The following GFOD1 variants were observed in gnomAD, a reference collection of about 807,000 sequenced individuals.
GFOD1 encodes the protein Gfo/Idh/MocA-like oxidoreductase domain containing 1, also known as glucose-fructose oxidoreductase domain-containing protein 1.
In GFOD1, 9 loss-of-function variants were observed where a neutral mutation model predicts 25.4. That is an observed-to-expected ratio of 0.35 (90% CI 0.21 to 0.62). GFOD1 has a LOEUF of 0.62. Ranked by LOEUF, GFOD1 falls within the 20% of genes least tolerant of loss-of-function variation. GFOD1 has a pLI of 0.72. For missense variants in GFOD1, 403 were observed against 556.9 expected (o/e 0.72, Z 2.78); for synonymous variants, 253 against 245.6 (o/e 1.03, Z -0.28).
chr6:13,383,628 T>C (rs1785408126), intron 1 of GFOD1, among the ~76,000 whole-genome samples: 3 of 152,376 alleles, frequency 2.0e-5, no homozygotes, highest in African/African-American at 2.4e-5. Context: ...TTAAAATAAT[T>C]AATGGGAAGG....
Position 13,360,780 on chromosome 6 carries a change from G to A in GFOD1, c.*3963C>T. ...TGAGTGGAGCCGCAGGTTAGTCCATGCTTGTCACAGTCCTTCCTGGGTGTG... is the reference window on the plus strand; with the variant it reads ...TGAGTGGAGCCGCAGGTTAGTCCATACTTGTCACAGTCCTTCCTGGGTGTG... On this transcript the variant is annotated 3_prime_UTR_variant, in exon 2 of 2. Coordinates refer to ENST00000379287, the MANE Select transcript of GFOD1 (RefSeq NM_018988.4). 1 of 456,748 alleles carries A rather than the reference G, an allele frequency of 2.2e-6. No homozygotes were observed. The highest frequency in any genetic ancestry group is 2.0e-5 in the African/African-American group (1 of 50,204). The allele number at this position is 456,748 out of a possible 1,614,324, so 28.3% of individuals were successfully genotyped here. A position where few individuals can be genotyped will look rare whatever the true frequency, so the allele number is the denominator to read the frequency against.
chr6:13,432,234 T>C (rs1757762420), intron 1 of GFOD1, among the ~76,000 whole-genome samples: 2 of 151,870 alleles, frequency 1.3e-5, no homozygotes, highest in African/African-American at 4.8e-5. Context: ...TTTTCTTTTT[T>C]TTTTTTTTTG....
intron 1 of GFOD1, among the ~76,000 whole-genome samples, chr6:13,450,041 G>A (rs1047516738): frequency 1.3e-5 from 2 of 152,154 alleles, no homozygotes; most frequent in Middle Eastern, 3.2e-3. Context: ...GAAGAACGCT[G>A]CCAGAGCTGC....
intron 1 of GFOD1, among the ~76,000 whole-genome samples, chr6:13,446,817 T>C (rs1461477355): frequency 6.6e-6 from 1 of 152,314 alleles, no homozygotes; most frequent in African/African-American, 2.4e-5. Context: ...AAGCACATAT[T>C]TGAGCCTTTT....
intron 1 of GFOD1, among the ~76,000 whole-genome samples, chr6:13,450,830 C>T (rs748433450): frequency 6.6e-5 from 10 of 152,118 alleles, no homozygotes; most frequent in Admixed American, 1.3e-4. Flanking sequence ...TGTATATTGG[C>T]GAAGGAAACT....
chr6:13,373,356 A>C (rs1785187109), intron 1 of GFOD1, among the ~76,000 whole-genome samples: 2 of 152,290 alleles, frequency 1.3e-5, no homozygotes, highest in Non-Finnish European at 2.9e-5. Context: ...AAATGGTCTA[A>C]AATAAGATTA....
At chr6:13,387,672 G>T (rs1238180761) in intron 1 of GFOD1, among the ~76,000 whole-genome samples, 1 of 152,174 alleles carries the variant, frequency 6.6e-6, no homozygotes, top group Non-Finnish European at 1.5e-5. Context: ...TACTGAATGG[G>T]CACCAACTGG....
intron 1 of GFOD1, among the ~76,000 whole-genome samples, chr6:13,436,391 A>G (rs1204633799): frequency 1.3e-5 from 2 of 152,232 alleles, no homozygotes; most frequent in African/African-American, 4.8e-5. Context: ...TTTCTTATAT[A>G]TTCTCCTAGA....
At chr6:13,469,207 A>T (rs1758432837) in intron 1 of GFOD1, 2 of 982,730 alleles carry the variant, frequency 2.0e-6, no homozygotes, top group South Asian at 4.7e-5. Flanking sequence ...CCCTGTTGGT[A>T]ACAGCACCAC....
intron 1 of GFOD1, among the ~76,000 whole-genome samples, chr6:13,443,300 T>C (rs1057366220): frequency 6.6e-6 from 1 of 152,222 alleles, no homozygotes; most frequent in African/African-American, 2.4e-5. Flanking sequence ...CCTACTCCTG[T>C]TGAAGATGCT....
rs565873540 is a variant in GFOD1 at position 13,360,766 on chromosome 6, G to A, written c.*3977C>T. The A allele has an allele frequency of 1.3e-5, 6 of 456,632 alleles. No homozygotes were observed. Among genetic ancestry groups the A allele is most frequent in the Non-Finnish European group, 2.2e-5 (5 of 226,976 alleles). 28.3% of individuals were successfully genotyped at this position (456,632 alleles called of 1,614,324 possible). Reference sequence around the variant, plus strand: ...TGCTGACAGCAGGCTGAGTGGAGCCGCAGGTTAGTCCATGCTTGTCACAGT... The same window carrying A: ...TGCTGACAGCAGGCTGAGTGGAGCCACAGGTTAGTCCATGCTTGTCACAGT... On this transcript the variant is annotated 3_prime_UTR_variant, in exon 2 of 2. Coordinates refer to ENST00000379287, the MANE Select transcript of GFOD1 (RefSeq NM_018988.4).
intron 1 of GFOD1, among the ~76,000 whole-genome samples, chr6:13,373,146 T>C (rs1785183530): frequency 6.6e-6 from 1 of 152,160 alleles, no homozygotes; most frequent in Non-Finnish European, 1.5e-5. Context: ...CACAGTCTAG[T>C]AGAGGAGACC....
chr6:13,398,199 C>A (rs939429691), intron 1 of GFOD1, among the ~76,000 whole-genome samples: 8 of 152,238 alleles, frequency 5.3e-5, no homozygotes, highest in African/African-American at 9.6e-5. Context: ...ACTATTACCT[C>A]ATAGGGCTGT....
At chr6:13,368,009 A>G (rs1231341806) in intron 1 of GFOD1, among the ~76,000 whole-genome samples, 1 of 152,202 alleles carries the variant, frequency 6.6e-6, no homozygotes, top group Admixed American at 6.5e-5. Context: ...CACTCAATTG[A>G]CAAAATCCAC....
At chr6:13,442,274 T>C (rs1757929998) in intron 1 of GFOD1, among the ~76,000 whole-genome samples, 1 of 152,212 alleles carries the variant, frequency 6.6e-6, no homozygotes, top group Non-Finnish European at 1.5e-5. Context: ...TTATTGCACT[T>C]TTCAGCTATT....
At chr6:13,483,358 G>T (rs1158883235) in intron 1 of GFOD1, among the ~76,000 whole-genome samples, 1 of 152,198 alleles carries the variant, frequency 6.6e-6, no homozygotes, top group African/African-American at 2.4e-5. Flanking sequence ...GGAAACCCCA[G>T]CAGGGTGGGC....
chr6:13,434,115 G>A (rs539220279), intron 1 of GFOD1, among the ~76,000 whole-genome samples: 1 of 152,336 alleles, frequency 6.6e-6, no homozygotes, highest in African/African-American at 2.4e-5. Flanking sequence ...AGGGCATTAT[G>A]GGAACACAGA....
intron 1 of GFOD1, among the ~76,000 whole-genome samples, chr6:13,444,520 T>G (rs538136985): frequency 6.6e-6 from 1 of 152,070 alleles, no homozygotes; most frequent in Non-Finnish European, 1.5e-5. Context: ...AAAAAGAACC[T>G]TTCTCTAGAG....
intron 1 of GFOD1, among the ~76,000 whole-genome samples, chr6:13,385,921 A>G (rs1184094764): frequency 6.6e-6 from 1 of 152,178 alleles, no homozygotes; most frequent in Admixed American, 6.5e-5. Flanking sequence ...GCACAGAAAA[A>G]GTACTCAGGT....
Sources: allele counts gnomAD v4.1 joint callset (sites outside exome capture counted in the v4.1 genomes callset), GRCh38; gene constraint gnomAD v4.1.1; transcripts MANE v1.5; gene names NCBI Gene and HGNC (gene_info 2026-07-23, HGNC 2026-07-21).